Variants in KDM4B observed in about 807,000 individuals in gnomAD.
KDM4B encodes lysine-specific demethylase 4B.
KDM4B carries 32 observed loss-of-function variants against 125.2 expected under a neutral mutation model. The ratio of observed to expected loss-of-function variants is 0.26; its 90% CI spans 0.19 to 0.34. The LOEUF (loss-of-function observed/expected upper bound fraction) is 0.34. Ranked by LOEUF, KDM4B falls within the 10% of genes least tolerant of loss-of-function variation. KDM4B has a pLI of 1.00. For missense variants in KDM4B, 1,190 were observed against 1,577.7 expected (o/e 0.75, Z 4.16); for synonymous variants, 721 against 677.9 (o/e 1.06, Z -0.99).
intron 9 of KDM4B, among the ~76,000 whole-genome samples, chr19:5,088,462 C>CGCTGGG (rs1392903218): frequency 6.6e-6 from 1 of 152,188 alleles, no homozygotes; most frequent in Non-Finnish European, 1.5e-5. Flanking sequence ...CTGAGCAGAG[C>CGCTGGG]GCTGGGTTCG....
chr19:5,106,768 G>T (rs1209548480), intron 9 of KDM4B, among the ~76,000 whole-genome samples: 1 of 152,172 alleles, frequency 6.6e-6, no homozygotes, highest in Non-Finnish European at 1.5e-5. Flanking sequence ...AAGAGGGGGG[G>T]CCTTGCTTTG....
intron 6 of KDM4B, among the ~76,000 whole-genome samples, chr19:5,069,610 T>A (rs1453157560): frequency 3.3e-5 from 5 of 150,846 alleles, no homozygotes; most frequent in Admixed American, 3.3e-4. Flanking sequence ...CCGGCCTGTT[T>A]GTTTGTTTGT....
rs925040567 is a variant in KDM4B, at chr19:5,081,380, G to T, written c.781-987G>T. The stretch of plus-strand genomic sequence containing the variant: ...GGCTTAGCAGTGAGCAGGGAGTGGG[G>T]GTCAGTGTGGCCATCTCGAGTGTCC... On this transcript the variant is annotated intron_variant, in intron 8 of 22. Transcript: ENST00000159111. The surrounding 1 kb of genome is among the most constrained non-coding windows in gnomAD (Gnocchi z 4.2). Among the ~76,000 whole-genome samples, 33 of 152,316 alleles carry T rather than the reference G, an allele frequency of 2.2e-4. No individual in the cohort carries two copies. Among genetic ancestry groups the T allele is most frequent in the African/African-American group, 7.9e-4 (33 of 41,568 alleles).
intron 1 of KDM4B, among the ~76,000 whole-genome samples, chr19:4,981,084 C>T (rs537551850): frequency 6.6e-6 from 1 of 152,166 alleles, no homozygotes; most frequent in East Asian, 1.9e-4. Flanking sequence ...GTGGCGAGTC[C>T]GCGCCACGGG....
intron 5 of KDM4B, among the ~76,000 whole-genome samples, chr19:5,043,649 G>A (rs1371175033): frequency 3.4e-5 from 5 of 146,090 alleles, no homozygotes; most frequent in Non-Finnish European, 7.5e-5. Context: ...CATATCCTGC[G>A]TGGTGTTTAT....
intron 21 of KDM4B, among the ~76,000 whole-genome samples, chr19:5,147,002 A>G (rs1227288199): frequency 1.3e-5 from 2 of 150,218 alleles, no homozygotes; most frequent in Non-Finnish European, 1.5e-5. Context: ...CATCTAGTAC[A>G]CGGCAGGATG....
intron 1 of KDM4B, among the ~76,000 whole-genome samples, chr19:4,994,671 T>C (rs2035145207): frequency 6.6e-6 from 1 of 152,162 alleles, no homozygotes; most frequent in Admixed American, 6.6e-5. Flanking sequence ...TTCTGTCTTT[T>C]GATTGGATGT....
chr19:5,093,604 A>G (rs908052831), intron 9 of KDM4B, among the ~76,000 whole-genome samples: 2 of 152,236 alleles, frequency 1.3e-5, no homozygotes, highest in Non-Finnish European at 2.9e-5. Context: ...TCTGTGAGCC[A>G]TCAGCGCAGA....
chr19:4,989,125 T>C (rs1005824216), intron 1 of KDM4B, among the ~76,000 whole-genome samples: 37 of 152,260 alleles, frequency 2.4e-4, no homozygotes, highest in African/African-American at 8.7e-4. Flanking sequence ...GTCTGGACAG[T>C]GCTGAAGTGG....
At chr19:5,064,272 C>T (rs746141832) in intron 6 of KDM4B, among the ~76,000 whole-genome samples, 3 of 152,218 alleles carry the variant, frequency 2.0e-5, no homozygotes, top group Non-Finnish European at 4.4e-5. Context: ...TCCAGCGTGA[C>T]GTGCACGGGC....
At chr19:5,049,027 C>T (rs888333777) in intron 6 of KDM4B, among the ~76,000 whole-genome samples, 14 of 151,998 alleles carry the variant, frequency 9.2e-5, no homozygotes, top group Non-Finnish European at 1.8e-4. Flanking sequence ...TGCTGGCTGT[C>T]GTGGGAGCCT....
chr19:5,019,180 G>T (rs1274333370), intron 2 of KDM4B, among the ~76,000 whole-genome samples: 1 of 147,262 alleles, frequency 6.8e-6, no homozygotes, highest in African/African-American at 2.5e-5. Context: ...GCTGGTGTGG[G>T]TGTTGGTGTG....
At chr19:5,037,254 C>A (rs926214441) in intron 3 of KDM4B, among the ~76,000 whole-genome samples, 3 of 152,166 alleles carry the variant, frequency 2.0e-5, no homozygotes, top group Non-Finnish European at 4.4e-5. Flanking sequence ...CTGGGGCTTC[C>A]TGGAGAGGGG....
intron 10 of KDM4B, chr19:5,119,220 G>C (rs780394791): frequency 3.9e-6 from 6 of 1,526,640 alleles, no homozygotes; most frequent in East Asian, 2.4e-5. Flanking sequence ...CGGGGCTGTC[G>C]TAAGTGTCTT....
intron 10 of KDM4B, among the ~76,000 whole-genome samples, chr19:5,116,235 TAAA>T (rs35940660): frequency 3.8e-3 from 153 of 40,378 alleles, no homozygotes; most frequent in South Asian, 0.033. Context: ...ACCACATCTC[TAAA>T]AAAAAAAAAA....
chr19:5,098,687 G>A (rs1277572664), intron 9 of KDM4B, among the ~76,000 whole-genome samples: 2 of 152,100 alleles, frequency 1.3e-5, no homozygotes, highest in African/African-American at 4.8e-5. Flanking sequence ...GGCGACGAGG[G>A]CATGAGGGTG....
chr19:5,138,981 G>T (rs1833089007), intron 18 of KDM4B, among the ~76,000 whole-genome samples: 2 of 152,170 alleles, frequency 1.3e-5, no homozygotes, highest in Non-Finnish European at 2.9e-5. Context: ...GGAGTGCAGT[G>T]GTGTGATCAC....
chr19:5,090,978 C>T (rs1156598894), intron 9 of KDM4B, among the ~76,000 whole-genome samples: 2 of 152,114 alleles, frequency 1.3e-5, no homozygotes, highest in South Asian at 2.1e-4. Flanking sequence ...AGAGCAGGAT[C>T]CCCCGGCATG....
At position 5,142,173 on chromosome 19, in the gene KDM4B, C is replaced by A. The variant is rs888848023; in HGVS notation, c.2551-1794C>A. ...CCCTGTGGCCTCCGAGGAAGGACAC[C>A]GAGCCGGGAACTTCGAACCAAACAC... On this transcript the variant is annotated intron_variant, in intron 18 of 22. Transcript: ENST00000159111. This position sits in a 1 kb window ranked among gnomAD's most constrained non-coding sequence, Gnocchi z 5.4. Among the ~76,000 whole-genome samples the A allele has an allele frequency of 1.3e-5, 2 of 152,094 alleles. No homozygotes were observed. Among genetic ancestry groups the A allele is most frequent in the Non-Finnish European group, 1.5e-5 (1 of 67,998 alleles).
Sources: allele counts gnomAD v4.1 joint callset (sites outside exome capture counted in the v4.1 genomes callset), GRCh38; gene constraint gnomAD v4.1.1; non-coding constraint Gnocchi (gnomAD v3.1); transcripts MANE v1.5; gene names NCBI Gene and HGNC (gene_info 2026-07-23, HGNC 2026-07-21).